Variants in CDH2 observed in about 807,000 individuals in gnomAD.
The protein encoded by CDH2 is cadherin 2.
In CDH2, 17 loss-of-function variants were observed where a neutral mutation model predicts 92.0. The ratio of observed to expected loss-of-function variants is 0.18; its 90% CI spans 0.13 to 0.28. The LOEUF (loss-of-function observed/expected upper bound fraction) is 0.28, where lower values mean the gene tolerates loss of function less well. CDH2 is among the 10% of genes least tolerant of loss of function. CDH2 has a pLI of 1.00. For missense variants in CDH2, 862 were observed against 1,133.1 expected (o/e 0.76, Z 3.44); for synonymous variants, 419 against 415.9 (o/e 1.01, Z -0.09).
intron 2 of CDH2, among the ~76,000 whole-genome samples, chr18:28,038,545 T>C (rs905548786): frequency 2.0e-5 from 3 of 151,850 alleles, no homozygotes; most frequent in African/African-American, 7.3e-5. Flanking sequence ...CTGCAGGAGC[T>C]TCCCCAGTTC....
intron 1 of CDH2, among the ~76,000 whole-genome samples, chr18:28,176,030 C>T (rs565286614): frequency 2.6e-5 from 4 of 152,300 alleles, no homozygotes; most frequent in South Asian, 2.1e-4. Context: ...AGTTGGGCTG[C>T]CCCCGGGCTG....
downstream of CDH2, among the ~76,000 whole-genome samples, chr18:27,947,031 A>T (rs1366998653): frequency 2.6e-5 from 4 of 151,916 alleles, no homozygotes; most frequent in Non-Finnish European, 5.9e-5. Context: ...AGTCAGGAAT[A>T]ATAAAACAAT....
At chr18:28,171,949 G>A (rs1382261688) in intron 1 of CDH2, among the ~76,000 whole-genome samples, 1 of 152,090 alleles carries the variant, frequency 6.6e-6, no homozygotes, top group Non-Finnish European at 1.5e-5. Context: ...TTATTATACT[G>A]TTGGTGCCTA....
rs17497862 is a variant in CDH2, at chr18:27,951,161, CTTTTTTT to C, written c.*985_*991del. ...TCAGGCCACCCCTTTCTTTCCTTTCCTTTTTTTTTTTTTTTGGTACAAATTATGTAAA... is the reference window on the plus strand; with the variant it reads ...TCAGGCCACCCCTTTCTTTCCTTTCCTTTTTTTTGGTACAAATTATGTAAA... On this transcript the variant is annotated 3_prime_UTR_variant, in exon 16 of 16. Transcript: ENST00000269141. 1 of 128,396 alleles carries C rather than the reference CTTTTTTT, an allele frequency of 7.8e-6. No individual in the cohort carries two copies. The highest frequency in any genetic ancestry group is 2.8e-5 in the African/African-American group (1 of 35,162). 8.0% of individuals were successfully genotyped at this position (128,396 alleles called of 1,614,324 possible).
chr18:27,997,963 C>A (rs1015524471), intron 7 of CDH2, among the ~76,000 whole-genome samples: 1 of 152,020 alleles, frequency 6.6e-6, no homozygotes, highest in Non-Finnish European at 1.5e-5. Flanking sequence ...CCCGCAACCA[C>A]GCCTGGCTAA....
Position 28,147,662 on chromosome 18 carries a change from T to C in CDH2, c.172+11A>G, listed in dbSNP as rs944539210. 2.0e-6 allele frequency: 3 copies of C among 1,485,360 alleles called. No individual in the cohort carries two copies. The highest frequency in any genetic ancestry group is 1.7e-5 in the Admixed American group (1 of 57,380). The allele number at this position is 1,485,360 out of a possible 1,614,324, so 92.0% of individuals were successfully genotyped here. On this transcript the variant is annotated intron_variant, in intron 2 of 15. Transcript: ENST00000269141. ...ACACTGCATGTACAAATATATCTTT[T>C]GAGATAGTACCATTGAGAAGAGGCT...
chr18:28,005,405 G>A (rs545663713), intron 6 of CDH2, among the ~76,000 whole-genome samples: 1 of 152,208 alleles, frequency 6.6e-6, no homozygotes, highest in East Asian at 1.9e-4. Context: ...CTATGACTTC[G>A]CCACCTAGTC....
chr18:27,958,509 GTA>G (rs1169419797), intron 15 of CDH2, among the ~76,000 whole-genome samples: 1 of 146,720 alleles, frequency 6.8e-6, no homozygotes, highest in African/African-American at 2.5e-5. Context: ...ATTTATATAT[GTA>G]TATATGTGTA....
intron 1 of CDH2, among the ~76,000 whole-genome samples, chr18:28,156,554 C>A (rs35786068): frequency 8.4e-4 from 104 of 124,144 alleles, no homozygotes; most frequent in South Asian, 1.7e-3. Flanking sequence ...CCAGGTACAG[C>A]ATGTCACCTT....
At chr18:28,108,189 C>T (rs2015353873) in intron 2 of CDH2, among the ~76,000 whole-genome samples, 2 of 152,016 alleles carry the variant, frequency 1.3e-5, no homozygotes, top group Admixed American at 6.6e-5. Context: ...CATGGAAACC[C>T]CTGGGAAGAT....
intron 14 of CDH2, among the ~76,000 whole-genome samples, chr18:27,981,132 T>A (rs137931512): frequency 2.0e-5 from 3 of 152,162 alleles, no homozygotes; most frequent in Non-Finnish European, 4.4e-5. Flanking sequence ...TTGGGCAGCA[T>A]CCAGTTACTA....
At chr18:28,122,773 T>C (rs552164576) in intron 2 of CDH2, among the ~76,000 whole-genome samples, 3 of 152,198 alleles carry the variant, frequency 2.0e-5, no homozygotes, top group Middle Eastern at 6.3e-3. Context: ...TCACTCTTAA[T>C]GCCTACGAAT....
At chr18:28,136,353 A>T (rs912150198) in intron 2 of CDH2, among the ~76,000 whole-genome samples, 10 of 152,012 alleles carry the variant, frequency 6.6e-5, no homozygotes, top group Admixed American at 3.3e-4. Context: ...ATGAACTGAG[A>T]AGTAGTTTAT....
intron 7 of CDH2, among the ~76,000 whole-genome samples, chr18:28,001,790 C>G (rs2012774107): frequency 6.6e-6 from 1 of 152,186 alleles, no homozygotes; most frequent in South Asian, 2.1e-4. Context: ...ATTGTAGTGC[C>G]TCTAGCACTA....
At chr18:28,013,551 A>T in intron 3 of CDH2, 132 bp downstream of exon 3, 1 of 689,016 alleles carries the variant, frequency 1.5e-6, no homozygotes, top group Non-Finnish European at 2.6e-6. Context: ...AAATATTATT[A>T]AAATGACCAA....
At chr18:28,039,767 G>A (rs1281718912) in intron 2 of CDH2, among the ~76,000 whole-genome samples, 1 of 152,054 alleles carries the variant, frequency 6.6e-6, no homozygotes, top group Non-Finnish European at 1.5e-5. Flanking sequence ...GTAGGGTTAG[G>A]CAATTCCACA....
At chr18:27,944,489 AATAT>A (rs1909219576) in intron 6 of CDH2, among the ~76,000 whole-genome samples, 1 of 152,120 alleles carries the variant, frequency 6.6e-6, no homozygotes, top group Admixed American at 6.6e-5. Context: ...TAATATATCA[AATAT>A]ATGTTGGCTT....
chr18:28,081,831 T>C (rs2014836632), intron 2 of CDH2, among the ~76,000 whole-genome samples: 1 of 152,188 alleles, frequency 6.6e-6, no homozygotes, highest in Non-Finnish European at 1.5e-5. Context: ...ATTAAGGTAA[T>C]AAAATATATG....
At chr18:28,115,104 A>G (rs1319043713) in intron 2 of CDH2, among the ~76,000 whole-genome samples, 1 of 152,130 alleles carries the variant, frequency 6.6e-6, no homozygotes, top group Non-Finnish European at 1.5e-5. Context: ...AGAACCTTGG[A>G]GTGGCAGGAG....
Sources: allele counts gnomAD v4.1 joint callset (sites outside exome capture counted in the v4.1 genomes callset), GRCh38; gene constraint gnomAD v4.1.1; transcripts MANE v1.5; gene names NCBI Gene and HGNC (gene_info 2026-07-23, HGNC 2026-07-21).